The following SPPL2B variants were observed in gnomAD, a reference collection of about 807,000 sequenced individuals.
The protein encoded by SPPL2B is signal peptide peptidase-like 2B.
A neutral mutation model predicts 59.7 loss-of-function variants in SPPL2B; 39 were observed. The ratio of observed to expected loss-of-function variants is 0.65; its 90% CI spans 0.51 to 0.85. The LOEUF is 0.85. Ranked by LOEUF, SPPL2B falls within the 40% of genes least tolerant of loss-of-function variation. The probability of loss-of-function intolerance (pLI) is 0.00; values close to 1 mark genes in which losing one functional copy is unlikely to be tolerated. For synonymous variants in SPPL2B, 419 were observed against 370.8 expected (o/e 1.13, Z -1.49); for missense variants, 865 against 849.0 (o/e 1.02, Z -0.23).
Position 2,345,248 on chromosome 19 carries a change from C to G in SPPL2B, c.1277-5C>G. 2 of 1,612,172 alleles carry G rather than the reference C, an allele frequency of 1.2e-6. No homozygotes were observed. Among genetic ancestry groups the G allele is most frequent in the Non-Finnish European group, 1.7e-6 (2 of 1,179,268 alleles). Reference sequence around the variant, plus strand: ...GAGTAAGCCTCCGCCCTGTGCCTCCCCCAGGGCTGCTGGTGGCCTACTGCC... The same window carrying G: ...GAGTAAGCCTCCGCCCTGTGCCTCCGCCAGGGCTGCTGGTGGCCTACTGCC... On this transcript the variant is annotated splice_region_variant and splice_polypyrimidine_tract_variant and intron_variant, in intron 12 of 14. Coordinates refer to ENST00000613503, the MANE Select transcript of SPPL2B (RefSeq NM_152988.3).
At chr19:2,350,203 T>TCA (rs1969831632) in intron 13 of SPPL2B, among the ~76,000 whole-genome samples, 2 of 116,082 alleles carry the variant, frequency 1.7e-5, no homozygotes, top group Admixed American at 9.1e-5. Context: ...CCACACACAC[T>TCA]CGTGCTCTCA....
chr19:2,339,713 C>A, intron 5 of SPPL2B, 111 bp from the exon 6 acceptor site: 3 of 1,288,508 alleles, frequency 2.3e-6, no homozygotes, highest in Non-Finnish European at 2.2e-6. Flanking sequence ...CCCCCCGGGT[C>A]CCCTCCTGCT....
rs1017497713 is a variant in SPPL2B at position 2,353,541 on chromosome 19, G to A, written c.*332G>A. 73 of 317,808 alleles carry A rather than the reference G, an allele frequency of 2.3e-4. No individual in the cohort carries two copies. Among genetic ancestry groups the A allele is most frequent in the Admixed American group, 9.8e-4 (21 of 21,320 alleles). 19.7% of individuals were successfully genotyped at this position (317,808 alleles called of 1,614,324 possible). A position where few individuals can be genotyped will look rare whatever the true frequency, so the allele number is the denominator to read the frequency against. On this transcript the variant is annotated 3_prime_UTR_variant, in exon 15 of 15. Transcript: ENST00000613503. The stretch of plus-strand genomic sequence containing the variant: ...GCGTCGTCTGCATGAGTGAGCAGGC[G>A]TGGGTGGACTCTGGCCGCGGCCACA...
intron 1 of SPPL2B, among the ~76,000 whole-genome samples, chr19:2,329,717 C>T (rs1968180487): frequency 6.6e-6 from 1 of 152,316 alleles, no homozygotes; most frequent in Non-Finnish European, 1.5e-5. Context: ...CTTTGTCCAC[C>T]ACATCCCCAG....
chr19:2,343,826 G>T, intron 9 of SPPL2B, 139 bp from the exon 10 acceptor site: 2 of 641,082 alleles, frequency 3.1e-6, no homozygotes, highest in Non-Finnish European at 5.5e-6. Flanking sequence ...CTCCTGCGTG[G>T]TGCGTCCCTG....
chr19:2,348,401 TCA>T (rs1302758842), intron 13 of SPPL2B, among the ~76,000 whole-genome samples: 4 of 55,876 alleles, frequency 7.2e-5, no homozygotes, highest in African/African-American at 2.4e-4. Flanking sequence ...ACACACAGAC[TCA>T]CGCGCTCTCA....
intron 1 of SPPL2B, among the ~76,000 whole-genome samples, chr19:2,329,616 C>T (rs879839492): frequency 2.0e-5 from 3 of 152,224 alleles, no homozygotes; most frequent in African/African-American, 2.4e-5. Context: ...TTCACTACCC[C>T]CTCAGAGTTC....
chr19:2,339,005 T>C, intron 4 of SPPL2B, 64 bp from the exon 5 acceptor site: 1 of 1,523,046 alleles, frequency 6.6e-7, no homozygotes, highest in Non-Finnish European at 8.9e-7. Flanking sequence ...AGCCCACAGC[T>C]GCACGTCGAC....
At chr19:2,341,394 A>G (rs990214173) in intron 8 of SPPL2B, 29 of 473,830 alleles carry the variant, frequency 6.1e-5, no homozygotes, top group Admixed American at 3.5e-4. Context: ...GGGTGTGGGC[A>G]CCAGGGCACC....
At chr19:2,333,581 A>G (rs546989685) in intron 1 of SPPL2B, among the ~76,000 whole-genome samples, 1 of 152,292 alleles carries the variant, frequency 6.6e-6, no homozygotes, top group Admixed American at 6.5e-5. Context: ...CCCTCCTGGG[A>G]GGCGTCCAGG....
intron 7 of SPPL2B, chr19:2,340,586 C>G (rs1968970587): frequency 1.1e-5 from 6 of 541,662 alleles, no homozygotes; most frequent in South Asian, 1.0e-4. Flanking sequence ...CAGGGGGAGA[C>G]CTTTTTGTGT....
chr19:2,332,794 G>A lies in SPPL2B; in HGVS notation c.67-1808G>A, dbSNP rs1342708073. 6.6e-6 allele frequency among the ~76,000 whole-genome samples: 1 copy of A among 152,214 alleles called. No individual in the cohort carries two copies. The highest frequency in any genetic ancestry group is 2.4e-5 in the African/African-American group (1 of 41,438). On this transcript the variant is annotated intron_variant, in intron 1 of 14. Transcript: ENST00000613503. This position sits in a 1 kb window ranked among gnomAD's most constrained non-coding sequence, Gnocchi z 4.6. ...TGGGGGCCCACACTGAGGGTCTGCA[G>A]TGTGGCACAGCAGCTGGGACCTGGG...
intron 13 of SPPL2B, 146 bp from the exon 14 acceptor site, chr19:2,351,288 C>T (rs569546607): frequency 3.1e-6 from 2 of 653,124 alleles, no homozygotes; most frequent in South Asian, 3.7e-5. Flanking sequence ...GAGCCTGTGG[C>T]CCTGCCGGCT....
chr19:2,345,708 C>T (rs1969328988), intron 13 of SPPL2B, among the ~76,000 whole-genome samples: 3 of 151,520 alleles, frequency 2.0e-5, no homozygotes, highest in Admixed American at 2.0e-4. Flanking sequence ...TCTTCCTGGG[C>T]CTGTGCCTCC....
chr19:2,339,044 G>A, intron 4 of SPPL2B, 25 bp from the exon 5 acceptor site: 1 of 1,539,518 alleles, frequency 6.5e-7, no homozygotes, highest in Non-Finnish European at 8.8e-7. Context: ...TCTGACGCCT[G>A]CCTCCGGTGT....
At chr19:2,343,154 G>C (rs1368484054) in intron 8 of SPPL2B, 57 bp from the exon 9 acceptor site, 2 of 1,424,482 alleles carry the variant, frequency 1.4e-6, no homozygotes, top group Non-Finnish European at 9.7e-7. Context: ...GTGGGAGGCG[G>C]CGTCCTGGGT....
At position 2,344,093 on chromosome 19, in the gene SPPL2B, C is replaced by T. The variant is rs1390234372; in HGVS notation, c.1113+54C>T. 5.3e-5 allele frequency: 63 copies of T among 1,198,516 alleles called. No individual in the cohort carries two copies. The East Asian group carries it at 5.5e-4, about 11-fold the overall frequency. The allele number at this position is 1,198,516 out of a possible 1,614,324, so 74.2% of individuals were successfully genotyped here. Reference sequence around the variant, plus strand: ...CCATCACCCCGCTCCCCCGCCCCCTCGCAACCCCCGCCCCATCACCCCCCC... The same window carrying T: ...CCATCACCCCGCTCCCCCGCCCCCTTGCAACCCCCGCCCCATCACCCCCCC... On this transcript the variant is annotated intron_variant, in intron 10 of 14. Transcript: ENST00000613503.
At chr19:2,338,263 C>T (rs924114812) in intron 3 of SPPL2B, 1 of 156,342 alleles carries the variant, frequency 6.4e-6, no homozygotes, top group Non-Finnish European at 1.4e-5. Flanking sequence ...GCTGCCCCCG[C>T]CAGTGTTGCA....
Position 2,339,147 on chromosome 19 carries a change from A to G in SPPL2B, c.538A>G (p.Ile180Val), listed in dbSNP as rs1599216466. The change falls in exon 5 of 15, where the codon ATC becomes GTC. Residue 180 changes from isoleucine to valine, a missense_variant. Ile to Val is a conservative substitution (Grantham distance 29). Coordinates refer to ENST00000613503, the MANE Select transcript of SPPL2B (RefSeq NM_152988.3). The part of the protein sequence containing the change: ...VLDYNMVIIF[I>V]MAVGTVAIGG... ...GGACTACAACATGGTCATCATCTTC[A>G]TCATGGCTGTGGGCACCGTCGCCAT... The G allele has an allele frequency of 1.9e-6, 3 of 1,599,310 alleles. No individual in the cohort carries two copies. Among genetic ancestry groups the G allele is most frequent in the Non-Finnish European group, 2.6e-6 (3 of 1,173,066 alleles).
Sources: allele counts gnomAD v4.1 joint callset (sites outside exome capture counted in the v4.1 genomes callset), GRCh38; gene constraint gnomAD v4.1.1; non-coding constraint Gnocchi (gnomAD v3.1); transcripts MANE v1.5; gene names NCBI Gene and HGNC (gene_info 2026-07-23, HGNC 2026-07-21).